The following SNAPC3 variants were observed in gnomAD, a reference collection of about 807,000 sequenced individuals.
SNAPC3 encodes the protein small nuclear RNA activating complex polypeptide 3, also known as snRNA-activating protein complex subunit 3.
SNAPC3 carries 56 observed loss-of-function variants against 47.7 expected under a neutral mutation model. The ratio of observed to expected loss-of-function variants is 1.18; its 90% CI spans 0.95 to 1.47. The LOEUF (loss-of-function observed/expected upper bound fraction) is 1.47, where lower values mean the gene tolerates loss of function less well. Among genes scored for constraint, SNAPC3 ranks in the 40% most tolerant of loss-of-function variants. The pLI is 0.00. For missense variants in SNAPC3, 665 were observed against 511.3 expected (o/e 1.30, Z -2.90); for synonymous variants, 235 against 189.9 (o/e 1.24, Z -1.95).
At chr9:15,450,931 G>A (rs1026239059) in intron 5 of SNAPC3, among the ~76,000 whole-genome samples, 2 of 152,092 alleles carry the variant, frequency 1.3e-5, no homozygotes, top group African/African-American at 4.8e-5. Flanking sequence ...AATATAAAGA[G>A]AGAATTTTTG....
chr9:15,442,062 G>T (rs978004647), intron 3 of SNAPC3, among the ~76,000 whole-genome samples: 1 of 151,744 alleles, frequency 6.6e-6, no homozygotes, highest in African/African-American at 2.4e-5. Flanking sequence ...CCAGGCAGGG[G>T]CTGCCCCCCA....
intron 3 of SNAPC3, among the ~76,000 whole-genome samples, chr9:15,442,016 C>T (rs895226381): frequency 1.4e-4 from 21 of 151,462 alleles, no homozygotes; most frequent in African/African-American, 4.1e-4. Flanking sequence ...GGCGGCCAGG[C>T]GGAGGCGCTC....
chr9:15,454,760 A>ACC (rs1266122522), intron 7 of SNAPC3, among the ~76,000 whole-genome samples: 5 of 152,204 alleles, frequency 3.3e-5, no homozygotes, highest in Middle Eastern at 3.4e-3. Context: ...ACACAGTGAA[A>ACC]GCGTCTCTAC....
At chr9:15,427,338 A>G (rs1223834321) in intron 2 of SNAPC3, among the ~76,000 whole-genome samples, 1 of 152,060 alleles carries the variant, frequency 6.6e-6, no homozygotes, top group African/African-American at 2.4e-5. Context: ...AACATCACTT[A>G]TTTATTTGTT....
chr9:15,432,898 T>G (rs1430967923), intron 2 of SNAPC3, among the ~76,000 whole-genome samples: 1 of 152,164 alleles, frequency 6.6e-6, no homozygotes, highest in African/African-American at 2.4e-5. Flanking sequence ...TTGCATAGTG[T>G]CAAAGTATCT....
Position 15,427,912 on chromosome 9 carries a change from A to G in SNAPC3, c.392+3926A>G, listed in dbSNP as rs532232688. Among the ~76,000 whole-genome samples the G allele has an allele frequency of 2.6e-5, 4 of 152,256 alleles. No homozygotes were observed. In the South Asian group the frequency reaches 6.2e-4, roughly 24 times the overall value. Reference sequence around the variant, plus strand: ...GAGTGCTTGAGGTCAGGAGTTCAACAGCAGCTTGGCCAATATGGTGAAACC... The same window carrying G: ...GAGTGCTTGAGGTCAGGAGTTCAACGGCAGCTTGGCCAATATGGTGAAACC... On this transcript the variant is annotated intron_variant, in intron 2 of 8. Coordinates refer to ENST00000380821, the MANE Select transcript of SNAPC3 (RefSeq NM_001039697.2).
downstream of SNAPC3, chr9:15,464,104 G>A (rs895998717): frequency 6.1e-5 from 11 of 179,890 alleles, no homozygotes; most frequent in East Asian, 9.2e-5. Flanking sequence ...AAGTTTACAC[G>A]TTGAACTTAT....
intron 5 of SNAPC3, among the ~76,000 whole-genome samples, chr9:15,450,534 C>CTACAAAGTGATTGCTA (rs1347415770): frequency 1.3e-5 from 2 of 152,124 alleles, no homozygotes; most frequent in African/African-American, 4.8e-5. Context: ...TTGCTACATA[C>CTACAAAGTGATTGCTA]CAAAATCACA....
At chr9:15,447,465 G>C (rs1265720602) in intron 5 of SNAPC3, among the ~76,000 whole-genome samples, 1 of 151,630 alleles carries the variant, frequency 6.6e-6, no homozygotes, top group Non-Finnish European at 1.5e-5. Context: ...CTAAACTATT[G>C]TATGGAGACT....
intron 2 of SNAPC3, among the ~76,000 whole-genome samples, chr9:15,428,154 A>G (rs2031690828): frequency 6.7e-6 from 1 of 150,228 alleles, no homozygotes; most frequent in South Asian, 2.1e-4. Context: ...GCTCTCATAT[A>G]TCTGAAGTTG....
chr9:15,452,519 T>C (rs956810405), intron 6 of SNAPC3, among the ~76,000 whole-genome samples: 1 of 152,098 alleles, frequency 6.6e-6, no homozygotes, highest in African/African-American at 2.4e-5. Flanking sequence ...GGTTTTTCCA[T>C]GTTGGTCAGG....
At chr9:15,453,017 T>A (rs752890362) in intron 6 of SNAPC3, 24 bp from the exon 7 acceptor site, 1 of 1,571,528 alleles carries the variant, frequency 6.4e-7, no homozygotes, top group African/African-American at 1.4e-5. Context: ...AAAAATGATA[T>A]ATCCTTGCCT....
In SNAPC3 at chr9:15,461,220, C is replaced by T. The variant is rs772226609; in HGVS notation, c.*1354C>T. 1 of 152,044 alleles carries T rather than the reference C, an allele frequency of 6.6e-6. No individual in the cohort carries two copies. Among genetic ancestry groups the T allele is most frequent in the Non-Finnish European group, 1.5e-5 (1 of 68,034 alleles). The allele number at this position is 152,044 out of a possible 1,614,324, so 9.4% of individuals were successfully genotyped here. A position where few individuals can be genotyped will look rare whatever the true frequency, so the allele number is the denominator to read the frequency against. ...TGTCACCCAGGCTGGAGTACAGTGG[C>T]GTGATCTTGGCTCACTGGAGCCCTG... On this transcript the variant is annotated 3_prime_UTR_variant, in exon 9 of 9. Coordinates refer to ENST00000380821, the MANE Select transcript of SNAPC3 (RefSeq NM_001039697.2).
intron 3 of SNAPC3, among the ~76,000 whole-genome samples, chr9:15,437,297 A>G (rs1182149775): frequency 2.0e-5 from 3 of 151,606 alleles, no homozygotes; most frequent in Admixed American, 1.3e-4. Flanking sequence ...CAGTGGCACA[A>G]TCTTGGCTCA....
Position 15,459,702 on chromosome 9 carries a change from T to C in SNAPC3, c.1089-17T>C. The C allele has an allele frequency of 2.5e-6, 4 of 1,609,450 alleles. No homozygotes were observed. Among genetic ancestry groups the C allele is most frequent in the Middle Eastern group, 1.7e-4 (1 of 6,054 alleles). On this transcript the variant is annotated splice_polypyrimidine_tract_variant and intron_variant, in intron 8 of 8. Transcript: ENST00000380821. The stretch of plus-strand genomic sequence containing the variant: ...AATTTGATTGTAATGATGTACTTCT[T>C]TTTTTAAAAACTACAGATGGGTGAC...
At position 15,433,602 on chromosome 9, in the gene SNAPC3, G is replaced by A. The variant is rs2032443016; in HGVS notation, c.443G>A (p.Arg148Gln). Reference protein sequence around the residue: ...EHREETITIDRACRQETFVYE... With the variant: ...EHREETITIDQACRQETFVYE... Reference sequence around the variant, plus strand: ...CGGGAAGAAACCATTACAATAGATCGAGCCTGCAGACAAGAAACATTCGTT... The same window carrying A: ...CGGGAAGAAACCATTACAATAGATCAAGCCTGCAGACAAGAAACATTCGTT... The change falls in exon 3 of 9, where the codon CGA (arginine) becomes CAA (glutamine). Residue 148 changes from arginine (R) to glutamine (Q), a missense_variant. Transcript: ENST00000380821. 5 of 1,608,904 alleles carry A rather than the reference G, an allele frequency of 3.1e-6. No homozygotes were observed. The highest frequency in any genetic ancestry group is 1.3e-5 in the African/African-American group (1 of 74,674).
intron 3 of SNAPC3, among the ~76,000 whole-genome samples, chr9:15,441,600 A>T (rs2033388769): frequency 6.6e-6 from 1 of 151,682 alleles, no homozygotes; most frequent in Admixed American, 6.6e-5. Context: ...GATGACTCTT[A>T]AGGAGCATGC....
chr9:15,424,108 C>A (rs754915037), intron 2 of SNAPC3, 122 bp downstream of exon 2: 1 of 484,750 alleles, frequency 2.1e-6, no homozygotes, highest in South Asian at 4.0e-5. Context: ...TTCAGCTGTT[C>A]TTAATATTTG....
intron 5 of SNAPC3, 93 bp downstream of exon 5, chr9:15,447,337 T>C: frequency 1.8e-6 from 2 of 1,115,750 alleles, no homozygotes; most frequent in South Asian, 1.3e-5. Context: ...CAGTAAATCC[T>C]TTTCTTCTCC....
Sources: gnomAD v4.1 joint callset for allele counts (sites outside exome capture counted in the v4.1 genomes callset) on GRCh38, gnomAD v4.1.1 for gene constraint, MANE v1.5 for transcripts, NCBI Gene and HGNC (gene_info 2026-07-23, HGNC 2026-07-21) for gene names.